LARGE1: variants seen among roughly 807,000 people sequenced by gnomAD.
LARGE1 encodes the protein xylosyl- and glucuronyltransferase LARGE1.
A neutral mutation model predicts 87.6 loss-of-function variants in LARGE1; 43 were observed. The observed-to-expected ratio is 0.49, with a 90% CI of 0.38 to 0.63. The LOEUF is 0.63. Ranked by LOEUF, LARGE1 falls within the 30% of genes least tolerant of loss-of-function variation. The pLI, the probability that LARGE1 is intolerant of heterozygous loss-of-function variation, is 0.00. For synonymous variants in LARGE1, 434 were observed against 394.6 expected, an observed-to-expected ratio of 1.10 and a Z score of -1.18; for missense variants, 802 against 1,000.2, an observed-to-expected ratio of 0.80 and a Z score of 2.67.
At chr22:33,586,036 A>G (rs2078663278) in intron 5 of LARGE1, among the ~76,000 whole-genome samples, 1 of 152,196 alleles carries the variant, frequency 6.6e-6, no homozygotes, top group South Asian at 2.1e-4. Flanking sequence ...TAAGTTAGCC[A>G]GTTTGGAGTT....
intron 7 of LARGE1, among the ~76,000 whole-genome samples, chr22:33,397,824 T>C (rs756009377): frequency 6.6e-6 from 1 of 152,218 alleles, no homozygotes; most frequent in Non-Finnish European, 1.5e-5. Context: ...TTTTGCATTT[T>C]AGGCATTCGG....
chr22:33,879,092 C>G (rs1252967515), intron 1 of LARGE1, among the ~76,000 whole-genome samples: 2 of 152,100 alleles, frequency 1.3e-5, no homozygotes, highest in Non-Finnish European at 2.9e-5. Context: ...CCTGCCTCAG[C>G]CTCCCGAGTA....
At chr22:33,405,192 T>A (rs1009750373) in intron 7 of LARGE1, among the ~76,000 whole-genome samples, 3 of 152,242 alleles carry the variant, frequency 2.0e-5, no homozygotes, top group African/African-American at 7.2e-5. Context: ...CTCATGGATA[T>A]TCTCAGCCAA....
chr22:33,669,753 A>C (rs1012252823), intron 2 of LARGE1, among the ~76,000 whole-genome samples: 28 of 152,242 alleles, frequency 1.8e-4, no homozygotes, highest in African/African-American at 5.5e-4. Context: ...GTAATGCTGC[A>C]ATATGCCAGG....
intron 11 of LARGE1, among the ~76,000 whole-genome samples, chr22:33,185,583 T>C (rs1352273749): frequency 1.3e-5 from 2 of 152,000 alleles, no homozygotes; most frequent in Non-Finnish European, 2.9e-5. Context: ...TCAATGTAGG[T>C]TTACTGATTG....
At chr22:33,306,897 C>A (rs1008159757) in intron 11 of LARGE1, among the ~76,000 whole-genome samples, 1 of 151,210 alleles carries the variant, frequency 6.6e-6, no homozygotes, top group Non-Finnish European at 1.5e-5. Context: ...AAAAAATACT[C>A]AAGGTTCTCA....
At chr22:33,208,385 C>G (rs1924788737) in intron 11 of LARGE1, among the ~76,000 whole-genome samples, 1 of 152,168 alleles carries the variant, frequency 6.6e-6, no homozygotes, top group African/African-American at 2.4e-5. Context: ...TTCAAAGCTG[C>G]TTGGGTTTCT....
At chr22:33,286,431 AG>A (rs536577744) in intron 12 of LARGE1, among the ~76,000 whole-genome samples, 2 of 152,166 alleles carry the variant, frequency 1.3e-5, no homozygotes, top group African/African-American at 2.4e-5. Flanking sequence ...TCCCTGGGGC[AG>A]GGGGGAAGGT....
At chr22:33,751,952 T>C (rs1182977444) in intron 2 of LARGE1, among the ~76,000 whole-genome samples, 1 of 152,126 alleles carries the variant, frequency 6.6e-6, no homozygotes, top group Non-Finnish European at 1.5e-5. Flanking sequence ...CCCAGCTATT[T>C]TGTATTTTTA....
chr22:33,692,529 A>G (rs1347094985), intron 2 of LARGE1, among the ~76,000 whole-genome samples: 2 of 152,120 alleles, frequency 1.3e-5, no homozygotes, highest in African/African-American at 4.8e-5. Flanking sequence ...CAGGCTGGTC[A>G]TGAACTCCTG....
intron 2 of LARGE1, among the ~76,000 whole-genome samples, chr22:33,707,834 G>A (rs892739948): frequency 1.3e-5 from 2 of 152,162 alleles, no homozygotes; most frequent in Non-Finnish European, 2.9e-5. Flanking sequence ...CCCTGGGGGC[G>A]AGAACCCCCA....
chr22:33,527,347 T>G (rs775155493), intron 6 of LARGE1, among the ~76,000 whole-genome samples: 15 of 152,330 alleles, frequency 9.8e-5, no homozygotes, highest in Non-Finnish European at 2.1e-4. Context: ...TCCAAATGGT[T>G]CTGAGGCAGG....
chr22:33,297,923 T>C (rs531451564), intron 12 of LARGE1, among the ~76,000 whole-genome samples: 68 of 136,002 alleles, frequency 5.0e-4, no homozygotes, highest in Non-Finnish European at 7.7e-4. Flanking sequence ...GAGGTTGCAG[T>C]GAGCTGAGAT....
At chr22:33,791,337 G>A (rs992099768) in intron 1 of LARGE1, among the ~76,000 whole-genome samples, 1 of 152,156 alleles carries the variant, frequency 6.6e-6, no homozygotes, top group Non-Finnish European at 1.5e-5. Flanking sequence ...ATGATCCTTT[G>A]GGGCCGTATA....
At chr22:33,512,494 T>C (rs1216567603) in intron 6 of LARGE1, among the ~76,000 whole-genome samples, 1 of 152,150 alleles carries the variant, frequency 6.6e-6, no homozygotes, top group African/African-American at 2.4e-5. Context: ...GAAAAGTAGA[T>C]TGCAAGTAAC....
chr22:33,248,066 C>T (rs555862590), intron 11 of LARGE1, among the ~76,000 whole-genome samples: 63 of 152,310 alleles, frequency 4.1e-4, no homozygotes, highest in Non-Finnish European at 8.4e-4. Flanking sequence ...TGACTCATGA[C>T]TCAATCTGAT....
At chr22:33,338,251 C>T (rs1433642252) in intron 9 of LARGE1, among the ~76,000 whole-genome samples, 1 of 152,146 alleles carries the variant, frequency 6.6e-6, no homozygotes, top group Non-Finnish European at 1.5e-5. Context: ...CCTGTTGCTT[C>T]CTGTCCCTGT....
chr22:33,468,388 G>T (rs983237469), intron 6 of LARGE1, among the ~76,000 whole-genome samples: 1 of 152,134 alleles, frequency 6.6e-6, no homozygotes. Context: ...GATCACTTGA[G>T]TTCAGGAATT....
chr22:33,514,818 G>A (rs2071223907), intron 6 of LARGE1, among the ~76,000 whole-genome samples: 1 of 152,136 alleles, frequency 6.6e-6, no homozygotes, highest in African/African-American at 2.4e-5. Context: ...CTATAAAGGG[G>A]TGAAACAATC....
Sources: gnomAD v4.1 joint callset for allele counts (sites outside exome capture counted in the v4.1 genomes callset) on GRCh38, gnomAD v4.1.1 for gene constraint, MANE v1.5 for transcripts, NCBI Gene and HGNC (gene_info 2026-07-23, HGNC 2026-07-21) for gene names.